ATP10B: variants seen among roughly 807,000 people sequenced by gnomAD.
The protein encoded by ATP10B is ATPase phospholipid transporting 10B (putative).
A neutral mutation model predicts 141.2 loss-of-function variants in ATP10B; 122 were observed. That is an observed-to-expected ratio of 0.86 (90% CI 0.75 to 1.00). The LOEUF (loss-of-function observed/expected upper bound fraction) is 1.00. Ranked by LOEUF, ATP10B falls within the 50% of genes least tolerant of loss-of-function variation. The probability of loss-of-function intolerance (pLI) is 0.00; values close to 1 mark genes in which losing one functional copy is unlikely to be tolerated. For missense variants in ATP10B, 1,876 were observed against 1,825.3 expected (o/e 1.03, Z -0.51); for synonymous variants, 685 against 692.0 (o/e 0.99, Z 0.16).
chr5:160,747,548 G>A (rs1010746523), intron 2 of ATP10B, among the ~76,000 whole-genome samples: 1 of 152,128 alleles, frequency 6.6e-6, no homozygotes, highest in African/African-American at 2.4e-5. Flanking sequence ...ACAGCAGAAG[G>A]GTGGCCAGGG....
At chr5:160,725,758 T>C (rs1056357269) in intron 2 of ATP10B, among the ~76,000 whole-genome samples, 1 of 152,200 alleles carries the variant, frequency 6.6e-6, no homozygotes, top group African/African-American at 2.4e-5. Flanking sequence ...TATGGGATTC[T>C]TAGGTAGAAG....
chr5:160,800,067 C>T (rs550605486), intron 1 of ATP10B, among the ~76,000 whole-genome samples: 6 of 152,236 alleles, frequency 3.9e-5, no homozygotes, highest in Admixed American at 1.3e-4. Context: ...CAAGGGTAGC[C>T]GGCCATCACC....
chr5:160,890,688 TG>T, the ATP10B span, among the ~76,000 whole-genome samples: 1 of 152,158 alleles, frequency 6.6e-6, no homozygotes, highest in Non-Finnish European at 1.5e-5. Context: ...CATCATCTGA[TG>T]GCCATTTGAG....
intron 1 of ATP10B, among the ~76,000 whole-genome samples, chr5:160,817,760 T>G (rs936994242): frequency 6.6e-6 from 1 of 152,152 alleles, no homozygotes; most frequent in African/African-American, 2.4e-5. Flanking sequence ...ACTGCAAGGC[T>G]ACATTAACCA....
intron 2 of ATP10B, among the ~76,000 whole-genome samples, chr5:160,739,658 C>T (rs1767338569): frequency 2.0e-5 from 3 of 152,134 alleles, no homozygotes; most frequent in African/African-American, 7.2e-5. Flanking sequence ...AGACCGTGCC[C>T]TGGAGGGAAC....
intron 2 of ATP10B, among the ~76,000 whole-genome samples, chr5:160,767,087 A>ACACATCTGT (rs1769502558): frequency 9.2e-5 from 14 of 152,338 alleles, no homozygotes; most frequent in African/African-American, 3.4e-4. Context: ...CACACACAAA[A>ACACATCTGT]TACTTTAACA....
chr5:160,668,295 A>G (rs1762450391), intron 7 of ATP10B, among the ~76,000 whole-genome samples: 1 of 151,346 alleles, frequency 6.6e-6, no homozygotes. Flanking sequence ...TGGTGAGGCT[A>G]AGGTGTCATT....
intron 2 of ATP10B, among the ~76,000 whole-genome samples, chr5:160,732,013 C>T (rs1196911324): frequency 6.6e-6 from 1 of 152,048 alleles, no homozygotes; most frequent in Non-Finnish European, 1.5e-5. Flanking sequence ...GTGACCAATT[C>T]TCAAAGGAAA....
intron 1 of ATP10B, among the ~76,000 whole-genome samples, chr5:160,841,394 A>G (rs948530640): frequency 1.3e-5 from 2 of 152,222 alleles, no homozygotes; most frequent in Non-Finnish European, 2.9e-5. Flanking sequence ...CTTTACAAAG[A>G]GAAACCCAGG....
At chr5:160,686,615 T>C (rs1763768607) in intron 5 of ATP10B, among the ~76,000 whole-genome samples, 1 of 152,142 alleles carries the variant, frequency 6.6e-6, no homozygotes, top group Admixed American at 6.5e-5. Context: ...CCAAAGTTTG[T>C]TTTGTCATGC....
intron 2 of ATP10B, among the ~76,000 whole-genome samples, chr5:160,729,382 A>G (rs1029018691): frequency 5.9e-5 from 9 of 152,008 alleles, no homozygotes; most frequent in African/African-American, 1.9e-4. Context: ...CTCCTTTCCA[A>G]TGACTACTGT....
intron 1 of ATP10B, among the ~76,000 whole-genome samples, chr5:160,824,521 A>G (rs1774426880): frequency 6.6e-6 from 1 of 152,166 alleles, no homozygotes; most frequent in Non-Finnish European, 1.5e-5. Context: ...AAATGTCATT[A>G]GGTGATTTCA....
intron 2 of ATP10B, among the ~76,000 whole-genome samples, chr5:160,762,992 G>A (rs1465286018): frequency 6.6e-6 from 1 of 151,998 alleles, no homozygotes; most frequent in Non-Finnish European, 1.5e-5. Flanking sequence ...ATGATAAAAG[G>A]ATTAGTCCAA....
intron 1 of ATP10B, among the ~76,000 whole-genome samples, chr5:160,836,332 A>AT (rs201277436): frequency 7.9e-5 from 12 of 151,762 alleles, no homozygotes; most frequent in Admixed American, 2.0e-4. Flanking sequence ...AAGTTTTTTC[A>AT]TTTTTTTTCA....
intron 2 of ATP10B, among the ~76,000 whole-genome samples, chr5:160,784,097 G>A (rs1291891259): frequency 1.3e-5 from 2 of 152,084 alleles, no homozygotes; most frequent in East Asian, 1.9e-4. Context: ...GTGGATCTTT[G>A]AGGCAGATCA....
At chr5:160,670,788 GC>G (rs1762641850) in intron 6 of ATP10B, 121 bp from the exon 7 acceptor site, 1 of 831,594 alleles carries the variant, frequency 1.2e-6, no homozygotes, top group Non-Finnish European at 1.9e-6. Flanking sequence ...TCATGAGATT[GC>G]CTTGTATTCT....
intron 1 of ATP10B, among the ~76,000 whole-genome samples, chr5:160,846,629 A>G (rs1776135393): frequency 6.6e-6 from 1 of 152,194 alleles, no homozygotes; most frequent in Non-Finnish European, 1.5e-5. Context: ...TGTAGCTACT[A>G]CTAATACATA....
At chr5:160,582,058 G>A (rs1452424960) in intron 24 of ATP10B, among the ~76,000 whole-genome samples, 1 of 152,106 alleles carries the variant, frequency 6.6e-6, no homozygotes, top group Non-Finnish European at 1.5e-5. Flanking sequence ...TATGTGACAT[G>A]GGTGTCCAGA....
Position 160,848,170 on chromosome 5 carries a change from T to C in ATP10B, c.-576+3771A>G, listed in dbSNP as rs114464261. On this transcript the variant is annotated intron_variant, in intron 1 of 25. Transcript: ENST00000327245. Reference sequence around the variant, plus strand: ...ACCTTTCAGATCTTCAAGTCTTTACTGTCACATTACAAATGAAGAATCTGA... The same window carrying C: ...ACCTTTCAGATCTTCAAGTCTTTACCGTCACATTACAAATGAAGAATCTGA... Among the ~76,000 whole-genome samples the C allele has an allele frequency of 6.1e-3, 932 of 152,296 alleles. 15 individuals carry two copies. Among genetic ancestry groups the C allele is most frequent in the African/African-American group, 0.022 (898 of 41,560 alleles).
Sources: gnomAD v4.1 joint callset for allele counts (sites outside exome capture counted in the v4.1 genomes callset) on GRCh38, gnomAD v4.1.1 for gene constraint, MANE v1.5 for transcripts, NCBI Gene and HGNC (gene_info 2026-07-23, HGNC 2026-07-21) for gene names.